The following PSD2 variants were observed in gnomAD, a reference collection of about 807,000 sequenced individuals.
PSD2 encodes the protein pleckstrin and Sec7 domain containing 2.
PSD2 carries 38 observed loss-of-function variants against 69.8 expected under a neutral mutation model. That is an observed-to-expected ratio of 0.54 (90% CI 0.42 to 0.71). The LOEUF (loss-of-function observed/expected upper bound fraction) is 0.71, where lower values mean the gene tolerates loss of function less well. Ranked by LOEUF, PSD2 falls within the 30% of genes least tolerant of loss-of-function variation. PSD2 has a pLI of 0.00. For missense variants in PSD2, 943 were observed against 1,014.5 expected (o/e 0.93, Z 0.96); for synonymous variants, 412 against 423.0 (o/e 0.97, Z 0.32).
intron 2 of PSD2, among the ~76,000 whole-genome samples, chr5:139,810,734 C>T (rs1759936330): frequency 6.6e-6 from 1 of 152,174 alleles, no homozygotes; most frequent in African/African-American, 2.4e-5. Context: ...ACTGGGTGTG[C>T]CATGGCCCTA....
chr5:139,798,452 G>C (rs1022405697), intron 1 of PSD2, among the ~76,000 whole-genome samples: 2 of 152,178 alleles, frequency 1.3e-5, no homozygotes, highest in Non-Finnish European at 2.9e-5. Context: ...CCCTGGGGAA[G>C]GAATGTCCTC....
the PSD2 span, among the ~76,000 whole-genome samples, chr5:139,769,043 G>T: frequency 1.3e-5 from 2 of 152,160 alleles, no homozygotes; most frequent in African/African-American, 4.8e-5. Context: ...GGAGGGTAGG[G>T]GAAGATGAGT....
the PSD2 span, among the ~76,000 whole-genome samples, chr5:139,767,171 T>C: frequency 7.3e-5 from 11 of 151,506 alleles, no homozygotes; most frequent in Non-Finnish European, 1.5e-4. Flanking sequence ...TTTTTTTGTA[T>C]TTTTAGTAGA....
Position 139,840,090 on chromosome 5 carries a change from A to G in PSD2, c.2032A>G (p.Arg678Gly). The change falls in exon 14 of 15, where the codon AGG becomes GGG. Residue 678 changes from arginine to glycine, a missense_variant. Physicochemically the swap from Arg to Gly is moderately radical, Grantham distance 125. Transcript: ENST00000274710. ...RQLTAELAEH[R>G]CHPVERGIKS... ...GCTGACTGCGGAGCTGGCCGAACAC[A>G]GGTGTCACCCAGTCGAGAGGGGCAT... is the stretch of plus-strand genomic sequence containing the variant. 1 of 1,614,234 alleles carries G rather than the reference A, an allele frequency of 6.2e-7. No homozygotes were observed. The highest frequency in any genetic ancestry group is 1.1e-5 in the South Asian group (1 of 91,082).
chr5:139,747,949 G>A, the PSD2 span, among the ~76,000 whole-genome samples: 1 of 152,252 alleles, frequency 6.6e-6, no homozygotes, highest in Non-Finnish European at 1.5e-5. This position sits in a 1 kb window ranked among gnomAD's most constrained non-coding sequence, Gnocchi z 6.7. Flanking sequence ...AGCTCAGGCC[G>A]TTCCCATCAC....
chr5:139,792,965 T>C (rs1759446471), upstream of PSD2, among the ~76,000 whole-genome samples: 1 of 151,554 alleles, frequency 6.6e-6, no homozygotes, highest in East Asian at 1.9e-4. Flanking sequence ...TCCTTCTTCT[T>C]TTGACTGAGT....
chr5:139,784,782 G>A, the PSD2 span, among the ~76,000 whole-genome samples: 1 of 151,646 alleles, frequency 6.6e-6, no homozygotes, highest in Admixed American at 6.6e-5. Context: ...TTGAGACGGA[G>A]TCTTGCTCTG....
In PSD2 at chr5:139,840,010, A is replaced by C. The variant is rs1195809258; in HGVS notation, c.1969-17A>C. ...TCCTGAGAGTAAGGCCTCACAGTCC[A>C]GGATTTGTCTTTGCAGGAGGAGCAA... is the stretch of plus-strand genomic sequence containing the variant. On this transcript the variant is annotated splice_polypyrimidine_tract_variant and intron_variant, in intron 13 of 14. Coordinates refer to ENST00000274710, the MANE Select transcript of PSD2 (RefSeq NM_032289.4). 1 of 1,614,098 alleles carries C rather than the reference A, an allele frequency of 6.2e-7. No homozygotes were observed.
At chr5:139,824,477 A>C (rs909332228) in intron 7 of PSD2, among the ~76,000 whole-genome samples, 13 of 148,362 alleles carry the variant, frequency 8.8e-5, no homozygotes, top group Non-Finnish European at 1.0e-4. Context: ...GTTCACCACA[A>C]GCCTCGCCTC....
intron 2 of PSD2, among the ~76,000 whole-genome samples, chr5:139,812,714 G>A (rs1251030325): frequency 6.6e-6 from 1 of 152,180 alleles, no homozygotes; most frequent in African/African-American, 2.4e-5. Flanking sequence ...GCTGAGGTGC[G>A]TTTGGCCGAG....
At position 139,809,745 on chromosome 5, in the gene PSD2, G is replaced by A; in HGVS notation, c.305G>A (p.Gly102Asp). 2 of 1,614,240 alleles carry A rather than the reference G, an allele frequency of 1.2e-6. No homozygotes were observed. The highest frequency in any genetic ancestry group is 2.2e-5 in the South Asian group (2 of 91,088). ...DSAESRPWRA[G>D]VLAEGDNASR... ...GCGGAGTCCAGGCCCTGGAGGGCTG[G>A]CGTGCTGGCAGAGGGGGACAATGCT... Residue 102 changes from glycine (G) to aspartate (D), a missense_variant, in exon 2 of 15, where the codon GGC (glycine) becomes GAC (aspartate). Coordinates refer to ENST00000274710, the MANE Select transcript of PSD2 (RefSeq NM_032289.4).
intron 4 of PSD2, among the ~76,000 whole-genome samples, chr5:139,816,508 C>T (rs1760124972): frequency 6.6e-6 from 1 of 152,226 alleles, no homozygotes; most frequent in Non-Finnish European, 1.5e-5. Context: ...AAAGAATGTT[C>T]CACGGTTTGG....
the PSD2 span, among the ~76,000 whole-genome samples, chr5:139,788,250 C>T: frequency 1.3e-5 from 2 of 152,104 alleles, no homozygotes; most frequent in East Asian, 3.9e-4. Flanking sequence ...GGAACCTTCC[C>T]GGCTTGGCCG....
At chr5:139,783,569 A>G in the PSD2 span, among the ~76,000 whole-genome samples, 13 of 152,232 alleles carry the variant, frequency 8.5e-5, 1 homozygote, top group Admixed American at 3.3e-4. Flanking sequence ...GGTTGTTTCC[A>G]CCTCTTGGCC....
the PSD2 span, among the ~76,000 whole-genome samples, chr5:139,757,358 G>T: frequency 6.6e-6 from 1 of 152,196 alleles, no homozygotes; most frequent in African/African-American, 2.4e-5. Context: ...TCTGTGAAAG[G>T]GGGTTCACAA....
intron 4 of PSD2, among the ~76,000 whole-genome samples, chr5:139,815,059 A>G (rs1479419792): frequency 6.6e-6 from 1 of 152,028 alleles, no homozygotes; most frequent in Admixed American, 6.5e-5. Context: ...GCCCTGCAGC[A>G]CTGCTCACAG....
At chr5:139,817,213 G>A (rs1229839278) in intron 4 of PSD2, among the ~76,000 whole-genome samples, 1 of 152,172 alleles carries the variant, frequency 6.6e-6, no homozygotes, top group African/African-American at 2.4e-5. Flanking sequence ...TTTCCTCCCT[G>A]GGGACACTGC....
At chr5:139,804,292 A>C (rs1202097308) in intron 1 of PSD2, among the ~76,000 whole-genome samples, 1 of 152,260 alleles carries the variant, frequency 6.6e-6, no homozygotes, top group East Asian at 1.9e-4. Flanking sequence ...GGGGCAGAGA[A>C]TAGGTCCAAG....
At chr5:139,778,229 G>A in the PSD2 span, among the ~76,000 whole-genome samples, 4 of 152,246 alleles carry the variant, frequency 2.6e-5, no homozygotes, top group Non-Finnish European at 1.5e-5. Flanking sequence ...AGATGTACAA[G>A]GCAGGTGGGA....
Sources: gnomAD v4.1 joint callset for allele counts (sites outside exome capture counted in the v4.1 genomes callset) on GRCh38, gnomAD v4.1.1 for gene constraint, Gnocchi (gnomAD v3.1) non-coding constraint, MANE v1.5 for transcripts, NCBI Gene and HGNC (gene_info 2026-07-23, HGNC 2026-07-21) for gene names.